Variants in GPC6 observed in about 807,000 individuals in gnomAD.
GPC6 encodes the protein glypican-6.
GPC6 carries 14 observed loss-of-function variants against 55.2 expected under a neutral mutation model. The observed-to-expected ratio is 0.25, with a 90% confidence interval of 0.17 to 0.40. The LOEUF is 0.40. GPC6 is among the 10% of genes least tolerant of loss of function. The probability of loss-of-function intolerance (pLI) is 1.00; values close to 1 mark genes in which losing one functional copy is unlikely to be tolerated. For missense variants in GPC6, 641 were observed against 708.5 expected (o/e 0.90, Z 1.08); for synonymous variants, 278 against 259.6 (o/e 1.07, Z -0.68).
intron 2 of GPC6, among the ~76,000 whole-genome samples, chr13:93,649,372 A>C (rs914902525): frequency 5.3e-5 from 8 of 152,168 alleles, no homozygotes; most frequent in African/African-American, 1.9e-4. Flanking sequence ...GGATCGCTTG[A>C]GCCAAGGACA....
chr13:93,510,236 A>G lies in GPC6; in HGVS notation c.161-35027A>G, dbSNP rs187167499. Among the ~76,000 whole-genome samples, 4 of 152,230 alleles carry G rather than the reference A, an allele frequency of 2.6e-5. No homozygotes were observed. In the East Asian group the frequency reaches 5.8e-4, roughly 22 times the overall value. Reference sequence around the variant, plus strand: ...ACATTTTTGTTAATATGGTCACCCTAGTCTGCTATCAAACATTGAATTTGT... The same window carrying G: ...ACATTTTTGTTAATATGGTCACCCTGGTCTGCTATCAAACATTGAATTTGT... On this transcript the variant is annotated intron_variant, in intron 1 of 8. Coordinates refer to ENST00000377047, the MANE Select transcript of GPC6 (RefSeq NM_005708.5).
intron 3 of GPC6, among the ~76,000 whole-genome samples, chr13:93,907,161 CA>C (rs1876719165): frequency 6.6e-6 from 1 of 152,066 alleles, no homozygotes; most frequent in Admixed American, 6.6e-5. Context: ...TACAATCCTT[CA>C]ATTATTGAAA....
In GPC6 at chr13:93,864,850, C is replaced by T. The variant is rs73551792; in HGVS notation, c.711+34305C>T. 4.8e-3 allele frequency among the ~76,000 whole-genome samples: 735 copies of T among 151,716 alleles called. 8 individuals carry two copies. Among genetic ancestry groups the T allele is most frequent in the African/African-American group, 0.016 (682 of 41,458 alleles). On this transcript the variant is annotated intron_variant, in intron 3 of 8. Transcript: ENST00000377047. ...CTGTACCACAGTGTAGTTGTCCAGG[C>T]GGTAAATCCTTTGTTGACTGGGTCA...
intron 1 of GPC6, among the ~76,000 whole-genome samples, chr13:93,433,093 G>A (rs1877430630): frequency 6.6e-6 from 1 of 152,150 alleles, no homozygotes; most frequent in African/African-American, 2.4e-5. Context: ...CATAGGAAGT[G>A]TATCTATATT....
At chr13:93,589,238 G>A (rs1306123327) in intron 2 of GPC6, among the ~76,000 whole-genome samples, 1 of 148,390 alleles carries the variant, frequency 6.7e-6, no homozygotes, top group African/African-American at 2.5e-5. Context: ...CAGACATGAT[G>A]CCCATTACCT....
chr13:93,616,394 A>G (rs1245324122), intron 2 of GPC6, among the ~76,000 whole-genome samples: 1 of 152,114 alleles, frequency 6.6e-6, no homozygotes. Flanking sequence ...CTCTTACAAT[A>G]TGTGCGATTA....
intron 3 of GPC6, among the ~76,000 whole-genome samples, chr13:94,008,291 A>AT (rs980993235): frequency 5.3e-4 from 80 of 152,278 alleles, no homozygotes; most frequent in African/African-American, 1.9e-3. Context: ...TCATCTTCAT[A>AT]TTTTTTGTTA....
At chr13:94,175,399 T>G (rs376183515) in intron 4 of GPC6, among the ~76,000 whole-genome samples, 10 of 152,220 alleles carry the variant, frequency 6.6e-5, no homozygotes, top group African/African-American at 2.4e-4. Context: ...TGGACCATAC[T>G]TTGCCAATTC....
At chr13:94,364,027 T>C (rs1411152905) in intron 6 of GPC6, among the ~76,000 whole-genome samples, 1 of 152,268 alleles carries the variant, frequency 6.6e-6, no homozygotes, top group Non-Finnish European at 1.5e-5. Context: ...AGCTTCAACT[T>C]ACTTTTTTTA....
rs1875020855 is a variant in GPC6 at position 94,292,159 on chromosome 13, A to G, written c.1008+5680A>G. ...CCTATTTCGCAAAGACAGAAAAGTT[A>G]TTTTCCAAGATAGAGAAGTTAGGTG... is the stretch of plus-strand genomic sequence containing the variant. On this transcript the variant is annotated intron_variant, in intron 5 of 8. Transcript: ENST00000377047. Among the ~76,000 whole-genome samples the G allele has an allele frequency of 6.6e-5, 10 of 152,304 alleles. 1 individual carries two copies. The South Asian group carries it at 2.1e-3, about 32-fold the overall frequency.
intron 2 of GPC6, among the ~76,000 whole-genome samples, chr13:93,649,020 A>G (rs1013193207): frequency 2.6e-5 from 4 of 152,206 alleles, no homozygotes; most frequent in African/African-American, 7.2e-5. Context: ...TTAATGGCAT[A>G]TAATAAATTC....
intron 2 of GPC6, among the ~76,000 whole-genome samples, chr13:93,588,149 A>G (rs756412573): frequency 4.6e-5 from 7 of 152,308 alleles, no homozygotes; most frequent in East Asian, 1.9e-4. Context: ...GTCATTGACC[A>G]CTTCTTCGTT....
intron 3 of GPC6, among the ~76,000 whole-genome samples, chr13:93,878,938 A>G (rs1874777222): frequency 6.6e-6 from 1 of 152,162 alleles, no homozygotes; most frequent in African/African-American, 2.4e-5. Flanking sequence ...AGAATTAGGA[A>G]AAGCAAAAAC....
Position 93,830,248 on chromosome 13 carries a change from C to A in GPC6, c.414C>A (p.Val138=), listed in dbSNP as rs2138979995. 2 of 1,610,696 alleles carry A rather than the reference C, an allele frequency of 1.2e-6. No individual in the cohort carries two copies. Among genetic ancestry groups the A allele is most frequent in the East Asian group, 2.2e-5 (1 of 44,788 alleles). The change falls in exon 3 of 9, where the codon GTC becomes GTA. Residue 138 remains valine (V), a synonymous_variant. Coordinates refer to ENST00000377047, the MANE Select transcript of GPC6 (RefSeq NM_005708.5). ...YGMLYMQNSE[V]FQDLFTELKR... ...TGCTGTACATGCAGAATTCAGAAGTCTTCCAGGACCTCTTCACAGAGCTGA... is the reference window on the plus strand; with the variant it reads ...TGCTGTACATGCAGAATTCAGAAGTATTCCAGGACCTCTTCACAGAGCTGA...
At chr13:93,953,996 G>T (rs973232646) in intron 3 of GPC6, among the ~76,000 whole-genome samples, 7 of 152,038 alleles carry the variant, frequency 4.6e-5, no homozygotes, top group African/African-American at 1.7e-4. Context: ...CATCACTATT[G>T]TCTAATTCCA....
intron 2 of GPC6, among the ~76,000 whole-genome samples, chr13:93,656,730 G>A (rs1880685069): frequency 6.6e-6 from 1 of 151,948 alleles, no homozygotes; most frequent in African/African-American, 2.4e-5. Context: ...ATCATTTTTT[G>A]TGATTTAATT....
At chr13:93,820,741 T>G (rs1288617834) in intron 2 of GPC6, among the ~76,000 whole-genome samples, 1 of 152,030 alleles carries the variant, frequency 6.6e-6, no homozygotes, top group African/African-American at 2.4e-5. Context: ...GAGATTTTTT[T>G]AAGTCTCCTG....
At position 93,393,127 on chromosome 13, in the gene GPC6, T is replaced by TATAGAGAG. The variant is rs1230857277; in HGVS notation, c.161-152135_161-152134insTAGAGAGA. ...TATTTGATATATATATATATATATATAGAGAGAGAGAGAGAGAGAGAGAGA... is the reference window on the plus strand; with the variant it reads ...TATTTGATATATATATATATATATATATAGAGAGAGAGAGAGAGAGAGAGAGAGAGAGA... On this transcript the variant is annotated intron_variant, in intron 1 of 8. Coordinates refer to ENST00000377047, the MANE Select transcript of GPC6 (RefSeq NM_005708.5). Among the ~76,000 whole-genome samples, 72 of 87,618 alleles carry TATAGAGAG rather than the reference T, an allele frequency of 8.2e-4. No homozygotes were observed. The East Asian group carries it at 0.011, about 13-fold the overall frequency. The allele number at this position is 87,618 out of a possible 152,430, so 57.5% of individuals were successfully genotyped here.
chr13:93,255,452 T>C (rs1268545093), intron 1 of GPC6, among the ~76,000 whole-genome samples: 1 of 152,258 alleles, frequency 6.6e-6, no homozygotes, highest in African/African-American at 2.4e-5. Flanking sequence ...TTTCAGATTT[T>C]GTTTTTCTTA....
Sources: gnomAD v4.1 joint callset for allele counts (sites outside exome capture counted in the v4.1 genomes callset) on GRCh38, gnomAD v4.1.1 for gene constraint, MANE v1.5 for transcripts, NCBI Gene and HGNC (gene_info 2026-07-23, HGNC 2026-07-21) for gene names.